The following DCC variants were observed in gnomAD, a reference collection of about 807,000 sequenced individuals.
The protein encoded by DCC is netrin receptor DCC.
A neutral mutation model predicts 172.5 loss-of-function variants in DCC; 58 were observed. The ratio of observed to expected loss-of-function variants is 0.34; its 90% CI spans 0.27 to 0.42. The LOEUF is 0.42. DCC is among the 10% of genes least tolerant of loss of function. The pLI is 1.00. For synonymous variants in DCC, 709 were observed against 644.5 expected (o/e 1.10, Z -1.52); for missense variants, 1,740 against 1,791.0 (o/e 0.97, Z 0.51).
chr18:52,994,608 A>G (rs1197431524), intron 5 of DCC, among the ~76,000 whole-genome samples: 1 of 152,134 alleles, frequency 6.6e-6, no homozygotes, highest in Non-Finnish European at 1.5e-5. Context: ...TGCTTTACTG[A>G]CTGCAAATTA....
chr18:53,226,465 G>A (rs963292098), intron 12 of DCC, among the ~76,000 whole-genome samples: 3 of 152,084 alleles, frequency 2.0e-5, no homozygotes, highest in Non-Finnish European at 2.9e-5. Context: ...CTCCCCATGG[G>A]ACTTAAAAAG....
intron 5 of DCC, among the ~76,000 whole-genome samples, chr18:52,961,440 C>T (rs925783300): frequency 1.3e-5 from 2 of 152,076 alleles, no homozygotes; most frequent in Non-Finnish European, 2.9e-5. Flanking sequence ...AAGTTCAGTG[C>T]TACCTTTCTG....
At chr18:52,665,662 A>G (rs1458999474) in intron 1 of DCC, among the ~76,000 whole-genome samples, 1 of 152,196 alleles carries the variant, frequency 6.6e-6, no homozygotes, top group African/African-American at 2.4e-5. Context: ...GAAGTAGCTT[A>G]TGCCTACCTG....
rs1599109437 is a variant in DCC at position 53,401,820 on chromosome 18, A to G, written c.2828-966A>G. On this transcript the variant is annotated intron_variant, in intron 18 of 28. Transcript: ENST00000442544. Reference sequence around the variant, plus strand: ...TCCAAAACGTAGAAAGTGAGAGAGCAGATTGGAAGAAGCCTGGAAGATCCT... The same window carrying G: ...TCCAAAACGTAGAAAGTGAGAGAGCGGATTGGAAGAAGCCTGGAAGATCCT... Among the ~76,000 whole-genome samples the G allele has an allele frequency of 2.0e-5, 3 of 152,322 alleles. No homozygotes were observed. The East Asian group carries it at 5.8e-4, about 29-fold the overall frequency.
At chr18:53,009,289 T>C (rs2041692538) in intron 5 of DCC, among the ~76,000 whole-genome samples, 1 of 151,968 alleles carries the variant, frequency 6.6e-6, no homozygotes, top group African/African-American at 2.4e-5. Flanking sequence ...AAACCCATTG[T>C]TTCAATAAAA....
intron 1 of DCC, among the ~76,000 whole-genome samples, chr18:52,432,727 G>A (rs1197779322): frequency 1.3e-5 from 2 of 152,130 alleles, no homozygotes; most frequent in African/African-American, 2.4e-5. Flanking sequence ...TGGACATTGC[G>A]ATTAAATACA....
At chr18:53,446,267 C>T (rs757336360) in intron 22 of DCC, among the ~76,000 whole-genome samples, 2 of 152,046 alleles carry the variant, frequency 1.3e-5, no homozygotes, top group Non-Finnish European at 2.9e-5. Context: ...GCAGTAGTCA[C>T]AGAGTGAGAC....
At chr18:53,089,595 C>CA (rs1179622989) in intron 7 of DCC, among the ~76,000 whole-genome samples, 1 of 109,990 alleles carries the variant, frequency 9.1e-6, no homozygotes, top group Non-Finnish European at 2.1e-5. Context: ...AACCAAAAAA[C>CA]AAAAAACAAA....
intron 2 of DCC, among the ~76,000 whole-genome samples, chr18:52,884,760 G>C (rs1025073119): frequency 6.6e-6 from 1 of 152,102 alleles, no homozygotes; most frequent in African/African-American, 2.4e-5. Context: ...GATTACAGAT[G>C]TTCATCAATA....
intron 25 of DCC, among the ~76,000 whole-genome samples, chr18:53,470,265 C>T (rs1320919178): frequency 6.6e-6 from 1 of 152,172 alleles, no homozygotes; most frequent in African/African-American, 2.4e-5. Flanking sequence ...CCAGTCTTTG[C>T]TAAAACATAG....
At chr18:52,710,130 T>C (rs1362625738) in intron 1 of DCC, among the ~76,000 whole-genome samples, 2 of 152,248 alleles carry the variant, frequency 1.3e-5, no homozygotes, top group East Asian at 1.9e-4. Flanking sequence ...TAAGGATATA[T>C]TTACAAAGAT....
chr18:52,670,350 A>T (rs146325812), intron 1 of DCC, among the ~76,000 whole-genome samples: 222 of 152,324 alleles, frequency 1.5e-3, no homozygotes, highest in African/African-American at 5.1e-3. Flanking sequence ...GGAAATGAAG[A>T]TGGACTTAAG....
chr18:53,301,098 T>C (rs1193068415), intron 12 of DCC, among the ~76,000 whole-genome samples: 1 of 151,358 alleles, frequency 6.6e-6, no homozygotes, highest in Non-Finnish European at 1.5e-5. Context: ...TTTCTCTCTT[T>C]CTTTTTCCGA....
chr18:53,346,814 A>AT (rs774441715), intron 15 of DCC, among the ~76,000 whole-genome samples: 2 of 151,982 alleles, frequency 1.3e-5, no homozygotes, highest in African/African-American at 2.4e-5. Context: ...TATATTTACC[A>AT]TTTTTTTGGT....
At chr18:52,390,869 C>A (rs550701149) in intron 1 of DCC, among the ~76,000 whole-genome samples, 57 of 152,270 alleles carry the variant, frequency 3.7e-4, no homozygotes, top group African/African-American at 1.2e-3. Context: ...ATACTACACT[C>A]TCTTATACAT....
At chr18:52,749,145 T>C (rs2036955998) in intron 1 of DCC, among the ~76,000 whole-genome samples, 1 of 151,150 alleles carries the variant, frequency 6.6e-6, no homozygotes, top group Admixed American at 6.6e-5. Flanking sequence ...TGAGCCAAGA[T>C]CGCATCACTG....
intron 20 of DCC, among the ~76,000 whole-genome samples, chr18:53,412,882 T>C (rs1830037328): frequency 6.6e-6 from 1 of 152,302 alleles, no homozygotes; most frequent in Admixed American, 6.5e-5. Context: ...TACTGTAAAC[T>C]TATGTAGGTA....
intron 13 of DCC, among the ~76,000 whole-genome samples, chr18:53,311,342 C>T (rs1025530209): frequency 2.0e-5 from 3 of 152,074 alleles, no homozygotes; most frequent in Non-Finnish European, 4.4e-5. Context: ...AGGCTGGTCT[C>T]GAACTCCTGA....
chr18:53,130,290 G>A (rs907879507), intron 7 of DCC, among the ~76,000 whole-genome samples: 1 of 152,086 alleles, frequency 6.6e-6, no homozygotes, highest in Admixed American at 6.6e-5. Flanking sequence ...GCTTTTTAAA[G>A]TCTTTACTCT....
Sources: gnomAD v4.1 joint callset for allele counts (sites outside exome capture counted in the v4.1 genomes callset) on GRCh38, gnomAD v4.1.1 for gene constraint, MANE v1.5 for transcripts, NCBI Gene and HGNC (gene_info 2026-07-23, HGNC 2026-07-21) for gene names.